Variants in AGBL3 observed in about 807,000 individuals in gnomAD.
AGBL3 encodes the protein cytosolic carboxypeptidase 3.
AGBL3 carries 68 observed loss-of-function variants against 94.5 expected under a neutral mutation model. The ratio of observed to expected loss-of-function variants is 0.72; its 90% CI spans 0.59 to 0.88. The LOEUF is 0.88. AGBL3 is among the 40% of genes least tolerant of loss of function. The pLI is 0.00. For synonymous variants in AGBL3, 354 were observed against 370.7 expected (o/e 0.95, Z 0.52); for missense variants, 934 against 1,103.8 (o/e 0.85, Z 2.18).
chr7:135,066,813 A>G (rs1285610097), intron 12 of AGBL3, among the ~76,000 whole-genome samples: 1 of 152,210 alleles, frequency 6.6e-6, no homozygotes, highest in Non-Finnish European at 1.5e-5. Flanking sequence ...AGTGTGAGCG[A>G]CGCAGAAGAC....
intron 15 of AGBL3, chr7:135,092,596 T>C (rs1419525068): frequency 2.6e-5 from 4 of 152,118 alleles, no homozygotes; most frequent in African/African-American, 9.7e-5. Context: ...GACAAGTAAA[T>C]AGACATAGTA....
chr7:135,017,881 G>A (rs985183632), intron 5 of AGBL3, among the ~76,000 whole-genome samples: 10 of 152,036 alleles, frequency 6.6e-5, no homozygotes, highest in Non-Finnish European at 1.2e-4. Context: ...TTAAACAAAT[G>A]GAGAGGAATA....
Position 135,134,997 on chromosome 7 carries a change from C to T in AGBL3, c.2499C>T (p.Leu833=). 6.4e-7 allele frequency: 1 copy of T among 1,551,162 alleles called. No individual in the cohort carries two copies. Among genetic ancestry groups the T allele is most frequent in the Non-Finnish European group, 8.7e-7 (1 of 1,146,648 alleles). ...PHRSLESLSP[L]KGPKKNKHSQ... is the part of the protein sequence containing the mutation. ...GGTCATTGGAAAGTTTATCACCTCTCAAAGGCCCCAAGAAGAATAAACATT... is the reference window on the plus strand; with the variant it reads ...GGTCATTGGAAAGTTTATCACCTCTTAAAGGCCCCAAGAAGAATAAACATT... The change falls in exon 17 of 17, where the codon CTC becomes CTT. Residue 833 remains leucine, a synonymous_variant. Transcript: ENST00000436302.
intron 14 of AGBL3, among the ~76,000 whole-genome samples, chr7:135,081,272 T>G (rs1820904500): frequency 6.6e-6 from 1 of 152,168 alleles, no homozygotes; most frequent in African/African-American, 2.4e-5. Flanking sequence ...ACACACCATG[T>G]TAATGAATCA....
At chr7:135,114,593 A>G (rs1826063927) in intron 15 of AGBL3, among the ~76,000 whole-genome samples, 1 of 151,808 alleles carries the variant, frequency 6.6e-6, no homozygotes, top group Admixed American at 6.6e-5. Context: ...TTATTCTCTC[A>G]TCTCACATCC....
rs182788030 is a variant in AGBL3, at chr7:135,015,947, C to T, written c.311-1105C>T. ...TCGGGAGGCTGAGGCAGGAGAATGGCGTGAACCCGGGAGGCGGAGCTTGCA... is the reference window on the plus strand; with the variant it reads ...TCGGGAGGCTGAGGCAGGAGAATGGTGTGAACCCGGGAGGCGGAGCTTGCA... On this transcript the variant is annotated intron_variant, in intron 4 of 16. Coordinates refer to ENST00000436302, the MANE Select transcript of AGBL3 (RefSeq NM_178563.4). Among the ~76,000 whole-genome samples, 237 of 149,880 alleles carry T rather than the reference C, an allele frequency of 1.6e-3. 1 individual carries two copies. Among genetic ancestry groups the T allele is most frequent in the African/African-American group, 5.4e-3 (219 of 40,626 alleles).
At chr7:135,005,877 T>A (rs1007758138) in intron 4 of AGBL3, among the ~76,000 whole-genome samples, 1 of 151,844 alleles carries the variant, frequency 6.6e-6, no homozygotes, top group Admixed American at 6.6e-5. Context: ...AGAAATTGGA[T>A]ATCCATAGGA....
intron 14 of AGBL3, among the ~76,000 whole-genome samples, chr7:135,081,275 A>G (rs1820904773): frequency 6.6e-6 from 1 of 152,160 alleles, no homozygotes; most frequent in Non-Finnish European, 1.5e-5. Context: ...CACCATGTTA[A>G]TGAATCACAT....
chr7:135,109,562 G>C (rs1825305506), intron 15 of AGBL3, among the ~76,000 whole-genome samples: 1 of 152,194 alleles, frequency 6.6e-6, no homozygotes, highest in Non-Finnish European at 1.5e-5. Context: ...AGCACCTGAA[G>C]GTACCAACAA....
chr7:135,043,538 T>C (rs1486349977), intron 8 of AGBL3, among the ~76,000 whole-genome samples: 1 of 152,152 alleles, frequency 6.6e-6, no homozygotes, highest in African/African-American at 2.4e-5. Flanking sequence ...AGGGTGACTA[T>C]AGTCAATAAT....
chr7:135,079,771 T>C (rs1395001360), intron 13 of AGBL3, among the ~76,000 whole-genome samples: 2 of 152,136 alleles, frequency 1.3e-5, no homozygotes, highest in African/African-American at 4.8e-5. Context: ...AGCCTCATCT[T>C]TTTATACATA....
Position 135,135,161 on chromosome 7 carries a change from C to A in AGBL3, c.2663C>A (p.Ser888Tyr). Residue 888 changes from serine to tyrosine, a missense_variant, in exon 17 of 17, where the codon TCT becomes TAT. By Grantham distance (144) the Ser-to-Tyr change is moderately radical. Around this residue, in one of 3 missense-constraint regions of AGBL3, gnomAD observed 441 missense variants for 518.2 expected, o/e 0.85. Coordinates refer to ENST00000436302, the MANE Select transcript of AGBL3 (RefSeq NM_178563.4). ...LQAEETNQQSSKHTALHLTKN... is the reference protein window; with the variant it reads ...LQAEETNQQSYKHTALHLTKN... ...GCTGAAGAAACTAACCAGCAAAGCT[C>A]TAAGCATACAGCCCTCCATCTAACT... The A allele has an allele frequency of 6.4e-7, 1 of 1,551,062 alleles. No individual in the cohort carries two copies. The highest frequency in any genetic ancestry group is 8.7e-7 in the Non-Finnish European group (1 of 1,146,608).
At chr7:135,059,892 T>C (rs941219263) in intron 12 of AGBL3, among the ~76,000 whole-genome samples, 2 of 152,196 alleles carry the variant, frequency 1.3e-5, no homozygotes, top group Non-Finnish European at 2.9e-5. Context: ...ATAACAACTT[T>C]AAAACCTCAG....
chr7:135,129,345 T>A, intron 16 of AGBL3: 2 of 1,067,718 alleles, frequency 1.9e-6, no homozygotes, highest in Admixed American at 1.7e-5. Context: ...ATTAATAGAC[T>A]TACTAAATGA....
In AGBL3 at chr7:135,115,537, TA is replaced by T; in HGVS notation, c.2269del (p.Ser757AlafsTer10). The T allele has an allele frequency of 6.4e-7, 1 of 1,551,466 alleles. No individual in the cohort carries two copies. ...ILQYLLPIVH[S>X]TKNMQTTQIK... ...TGCAGTATTTGCTCCCCATCGTGCATAGCACTAAAAACATGCAAACCACTCA... is the reference window on the plus strand; with the variant it reads ...TGCAGTATTTGCTCCCCATCGTGCATGCACTAAAAACATGCAAACCACTCA... On this transcript the variant is annotated frameshift_variant, in exon 16 of 17. Transcript: ENST00000436302. LOFTEE classifies it high-confidence loss of function.
intron 1 of AGBL3, among the ~76,000 whole-genome samples, chr7:134,987,180 C>T (rs1244210677): frequency 6.6e-6 from 1 of 152,210 alleles, no homozygotes; most frequent in Non-Finnish European, 1.5e-5. Context: ...ATGTAGTCCA[C>T]GCTCCAAAAC....
chr7:135,082,175 G>A (rs1166408679), intron 15 of AGBL3, among the ~76,000 whole-genome samples: 1 of 152,124 alleles, frequency 6.6e-6, no homozygotes, highest in African/African-American at 2.4e-5. Flanking sequence ...AACTTTAACA[G>A]TAAAAAGTTT....
Position 135,115,630 on chromosome 7 carries a change from A to T in AGBL3, c.2342+19A>T, listed in dbSNP as rs1401071408. Reference sequence around the variant, plus strand: ...AACATCAGTAAGTCAATACAATTTTATCACTCTTATCTATTTAACACATCT... The same window carrying T: ...AACATCAGTAAGTCAATACAATTTTTTCACTCTTATCTATTTAACACATCT... On this transcript the variant is annotated intron_variant, in intron 16 of 16. Transcript: ENST00000436302. 1 of 1,498,004 alleles carries T rather than the reference A, an allele frequency of 6.7e-7. No individual in the cohort carries two copies. Among genetic ancestry groups the T allele is most frequent in the East Asian group, 2.5e-5 (1 of 40,560 alleles). The allele number at this position is 1,498,004 out of a possible 1,614,324, so 92.8% of individuals were successfully genotyped here.
chr7:135,059,866 A>T (rs772227051), intron 12 of AGBL3, among the ~76,000 whole-genome samples: 1 of 152,200 alleles, frequency 6.6e-6, no homozygotes, highest in Non-Finnish European at 1.5e-5. Flanking sequence ...TAGGTATATT[A>T]ACTGCTTTTT....
Sources: allele counts gnomAD v4.1 joint callset (sites outside exome capture counted in the v4.1 genomes callset), GRCh38; gene constraint gnomAD v4.1.1; regional missense constraint gnomAD v4.1.1; transcripts MANE v1.5; gene names NCBI Gene and HGNC (gene_info 2026-07-23, HGNC 2026-07-21).